Variants in OTULINL observed in about 807,000 individuals in gnomAD.
OTULINL encodes OTU deubiquitinase with linear linkage specificity like, also known as inactive ubiquitin thioesterase OTULINL.
A neutral mutation model predicts 43.9 loss-of-function variants in OTULINL; 42 were observed. The observed-to-expected ratio is 0.96, with a 90% CI of 0.75 to 1.24. The LOEUF is 1.24. OTULINL is among the 50% of genes most tolerant of loss of function. The pLI is 0.00. For synonymous variants in OTULINL, 172 were observed against 153.6 expected, an observed-to-expected ratio of 1.12 and a Z score of -0.88; for missense variants, 411 against 426.4, an observed-to-expected ratio of 0.96 and a Z score of 0.32.
intron 1 of OTULINL, among the ~76,000 whole-genome samples, chr5:14,582,551 T>C (rs1281573819): frequency 6.6e-6 from 1 of 151,732 alleles, no homozygotes; most frequent in Non-Finnish European, 1.5e-5. Context: ...ATCCCAACAC[T>C]TTGGGAGGCC....
Position 14,607,402 on chromosome 5 carries a change from A to G in OTULINL, c.571A>G (p.Thr191Ala), listed in dbSNP as rs1237840845. Residue 191 changes from threonine (T) to alanine (A), a missense_variant, in exon 6 of 8, where the codon ACA becomes GCA. Transcript: ENST00000274217. ...QQYSFGPEKY[T>A]GSNVFGKLRK... ...GTACAGTTTTGGTCCTGAGAAGTAT[A>G]CAGGCTCGAATGTGTTTGGAAAACT... The G allele has an allele frequency of 6.2e-7, 1 of 1,614,072 alleles. No homozygotes were observed. Among genetic ancestry groups the G allele is most frequent in the Non-Finnish European group, 8.5e-7 (1 of 1,180,028 alleles).
intron 5 of OTULINL, among the ~76,000 whole-genome samples, chr5:14,606,308 C>T (rs1048577688): frequency 4.6e-5 from 7 of 152,274 alleles, no homozygotes; most frequent in South Asian, 2.1e-4. Context: ...CTTGCCCCCA[C>T]GATTCAGTCA....
chr5:14,606,701 T>G (rs1362447986), intron 5 of OTULINL, among the ~76,000 whole-genome samples: 1 of 152,200 alleles, frequency 6.6e-6, no homozygotes, highest in African/African-American at 2.4e-5. Context: ...ACCTGTTCCC[T>G]GATGTAATAT....
chr5:14,605,515 C>T (rs1308103522), intron 5 of OTULINL, among the ~76,000 whole-genome samples: 2 of 152,178 alleles, frequency 1.3e-5, no homozygotes, highest in Non-Finnish European at 2.9e-5. Context: ...ACGCAAATAT[C>T]TGCAGCCAGC....
chr5:14,589,235 A>C (rs1324536418), intron 1 of OTULINL, among the ~76,000 whole-genome samples: 1 of 152,182 alleles, frequency 6.6e-6, no homozygotes, highest in Admixed American at 6.5e-5. Context: ...ACCGTGTGCT[A>C]TGAGAGAGGA....
Position 14,607,313 on chromosome 5 carries a change from T to C in OTULINL, c.499-17T>C, listed in dbSNP as rs1404722966. On this transcript the variant is annotated splice_polypyrimidine_tract_variant and intron_variant, in intron 5 of 7. Coordinates refer to ENST00000274217, the MANE Select transcript of OTULINL (RefSeq NM_019018.3). Reference sequence around the variant, plus strand: ...GTTCATATGCTAATCATAGTTGGCATCTACTTCCTTTTCAAGCTTCCTGAA... The same window carrying C: ...GTTCATATGCTAATCATAGTTGGCACCTACTTCCTTTTCAAGCTTCCTGAA... 6.2e-7 allele frequency: 1 copy of C among 1,612,940 alleles called. No homozygotes were observed. The highest frequency in any genetic ancestry group is 1.7e-5 in the Admixed American group (1 of 59,770).
chr5:14,606,085 A>C (rs1267317178), intron 5 of OTULINL, among the ~76,000 whole-genome samples: 1 of 152,164 alleles, frequency 6.6e-6, no homozygotes, highest in Non-Finnish European at 1.5e-5. Context: ...AGACTGAGCA[A>C]TTTACAAAAG....
Position 14,610,165 on chromosome 5 carries a change from TCC to T in OTULINL, c.924_925del (p.Leu309Ter), listed in dbSNP as rs757471881. ...GATTGATATGTTTATACTTGGATAC[TCC>T]CTTGAAGTAAAGATAAAAGTGTTCA... The part of the protein sequence containing the change: ...EQIDMFILGY[S>X]LEVKIKVFRL... On this transcript the variant is annotated frameshift_variant, in exon 8 of 8. Transcript: ENST00000274217. LOFTEE classifies it high-confidence loss of function. The T allele has an allele frequency of 6.2e-7, 1 of 1,614,036 alleles. No homozygotes were observed. Among genetic ancestry groups the T allele is most frequent in the South Asian group, 1.1e-5 (1 of 91,072 alleles).
intron 5 of OTULINL, among the ~76,000 whole-genome samples, chr5:14,606,557 A>G (rs951594540): frequency 6.6e-6 from 1 of 152,216 alleles, no homozygotes; most frequent in Non-Finnish European, 1.5e-5. Context: ...GAGTCCTATA[A>G]AATGCACAGT....
chr5:14,609,032 A>C lies in OTULINL; in HGVS notation c.897+15A>C. 6.3e-7 allele frequency: 1 copy of C among 1,599,262 alleles called. No individual in the cohort carries two copies. On this transcript the variant is annotated intron_variant, in intron 7 of 7. Coordinates refer to ENST00000274217, the MANE Select transcript of OTULINL (RefSeq NM_019018.3). ...GACTAGAGCAGGTAACCGGGGAGGA[A>C]GAACTGCTTGTATTTGATTAAGGAT...
At chr5:14,582,243 T>G (rs1423446283) in intron 1 of OTULINL, among the ~76,000 whole-genome samples, 2 of 151,456 alleles carry the variant, frequency 1.3e-5, no homozygotes, top group Non-Finnish European at 2.9e-5. Context: ...GAAACGCAGG[T>G]TCCTGGAAGA....
At chr5:14,601,654 G>C (rs1217244707) in intron 4 of OTULINL, among the ~76,000 whole-genome samples, 4 of 152,222 alleles carry the variant, frequency 2.6e-5, no homozygotes, top group African/African-American at 7.2e-5. Context: ...GGCTCAGGTC[G>C]ATGAGGTCTG....
intron 1 of OTULINL, among the ~76,000 whole-genome samples, chr5:14,590,970 G>A (rs1322441666): frequency 1.3e-5 from 2 of 152,190 alleles, no homozygotes; most frequent in Admixed American, 6.5e-5. Context: ...TCCATCGAAT[G>A]TTTAAAAAAC....
rs945821366 is a variant in OTULINL at position 14,614,940 on chromosome 5, T to C, written c.*4626T>C. The C allele has an allele frequency of 7.6e-6, 3 of 395,452 alleles. No homozygotes were observed. The highest frequency in any genetic ancestry group is 1.3e-5 in the Non-Finnish European group (3 of 224,682). 24.5% of individuals were successfully genotyped at this position (395,452 alleles called of 1,614,324 possible). On this transcript the variant is annotated 3_prime_UTR_variant, in exon 8 of 8. Coordinates refer to ENST00000274217, the MANE Select transcript of OTULINL (RefSeq NM_019018.3). ...CAGACCAGTGAGAGTCACTCACTTA[T>C]TTGTAATGATTCTTGGGAAGTTTAG... is the stretch of plus-strand genomic sequence containing the variant.
rs1434029678 is a variant in OTULINL at position 14,613,345 on chromosome 5, T to C, written c.*3031T>C. Among the ~76,000 whole-genome samples the C allele has an allele frequency of 1.3e-5, 2 of 152,220 alleles. No homozygotes were observed. Among genetic ancestry groups the C allele is most frequent in the South Asian group, 2.1e-4 (1 of 4,834 alleles). The stretch of plus-strand genomic sequence containing the variant: ...GACTTTTTTTCAAAGCAGGCAACTT[T>C]AATTCCCTACCTGGTATCTGGATTC... On this transcript the variant is annotated 3_prime_UTR_variant, in exon 8 of 8. Transcript: ENST00000274217.
At chr5:14,600,409 G>T (rs777202591) in intron 1 of OTULINL, among the ~76,000 whole-genome samples, 108 of 152,300 alleles carry the variant, frequency 7.1e-4, no homozygotes, top group Non-Finnish European at 1.3e-3. Context: ...GAACACAGAG[G>T]CGTCTCTGGA....
intron 1 of OTULINL, among the ~76,000 whole-genome samples, chr5:14,590,122 A>G (rs1383185208): frequency 6.6e-6 from 1 of 152,226 alleles, no homozygotes; most frequent in African/African-American, 2.4e-5. Context: ...TTGACCAGTA[A>G]GATTTTTCTT....
chr5:14,592,617 C>A (rs571177699), intron 1 of OTULINL, among the ~76,000 whole-genome samples: 1 of 152,300 alleles, frequency 6.6e-6, no homozygotes, highest in African/African-American at 2.4e-5. Context: ...GGACATATTG[C>A]TGAGGGAGCA....
chr5:14,589,631 A>G (rs930786728), intron 1 of OTULINL, among the ~76,000 whole-genome samples: 1 of 152,158 alleles, frequency 6.6e-6, no homozygotes, highest in African/African-American at 2.4e-5. Context: ...GGCCAGGGTA[A>G]TGGTCAGGTT....
Sources: allele counts gnomAD v4.1 joint callset (sites outside exome capture counted in the v4.1 genomes callset), GRCh38; gene constraint gnomAD v4.1.1; transcripts MANE v1.5; gene names NCBI Gene and HGNC (gene_info 2026-07-23, HGNC 2026-07-21).